DLC1: variants seen among roughly 807,000 people sequenced by gnomAD.
DLC1 encodes DLC1 Rho GTPase activating protein.
DLC1 carries 54 observed loss-of-function variants against 140.3 expected under a neutral mutation model. That is an observed-to-expected ratio of 0.38 (90% confidence interval 0.31 to 0.48). DLC1 has a LOEUF of 0.48. DLC1 is among the 20% of genes least tolerant of loss of function. The pLI is 0.96. For missense variants in DLC1, 2,536 were observed against 1,907.0 expected (o/e 1.33, Z -6.14); for synonymous variants, 986 against 728.1 (o/e 1.35, Z -5.70).
intron 5 of DLC1, among the ~76,000 whole-genome samples, chr8:13,254,701 A>T (rs557002580): frequency 1.3e-5 from 2 of 151,912 alleles, no homozygotes; most frequent in East Asian, 3.9e-4. Flanking sequence ...ATCACAGTTA[A>T]AAAAAGGATA....
At chr8:13,198,051 G>C (rs937261812) in intron 5 of DLC1, among the ~76,000 whole-genome samples, 1 of 151,698 alleles carries the variant, frequency 6.6e-6, no homozygotes, top group African/African-American at 2.4e-5. Context: ...GCTCAAAGTT[G>C]CTCAGTCCCG....
intron 2 of DLC1, among the ~76,000 whole-genome samples, chr8:13,444,551 C>T (rs927415227): frequency 2.0e-5 from 3 of 152,144 alleles, no homozygotes; most frequent in African/African-American, 7.2e-5. Flanking sequence ...TTCTACACTA[C>T]GAAAGGAACA....
At chr8:13,583,594 C>T (rs74965322) in intron 1 of DLC1, among the ~76,000 whole-genome samples, 21,896 of 152,080 alleles carry the variant, frequency 0.14, 1,650 homozygotes, top group African/African-American at 0.19. Context: ...ATAAGTTAGG[C>T]ACAATAAAGT....
At chr8:13,409,897 C>A (rs1255326266) in intron 2 of DLC1, among the ~76,000 whole-genome samples, 2 of 151,992 alleles carry the variant, frequency 1.3e-5, no homozygotes, top group African/African-American at 2.4e-5. Context: ...TACGGGGAGG[C>A]TAAGCTATGT....
chr8:13,311,441 C>T (rs1336476415), intron 4 of DLC1, among the ~76,000 whole-genome samples: 1 of 152,124 alleles, frequency 6.6e-6, no homozygotes, highest in East Asian at 1.9e-4. Context: ...AGATGATGTG[C>T]TGGTGTAAGG....
At chr8:13,545,573 G>A (rs978174245) in intron 1 of DLC1, among the ~76,000 whole-genome samples, 16 of 151,906 alleles carry the variant, frequency 1.1e-4, no homozygotes, top group African/African-American at 3.6e-4. Flanking sequence ...TGAATTCGTG[G>A]TGTTGTTGAA....
chr8:13,406,602 T>A (rs1441791874), intron 2 of DLC1, among the ~76,000 whole-genome samples: 7 of 152,170 alleles, frequency 4.6e-5, no homozygotes, highest in African/African-American at 1.7e-4. Flanking sequence ...CATCCTCAGT[T>A]CCTTTAATTA....
At chr8:13,140,044 A>G (rs748786819) in intron 5 of DLC1, among the ~76,000 whole-genome samples, 3 of 152,166 alleles carry the variant, frequency 2.0e-5, no homozygotes, top group Non-Finnish European at 2.9e-5. Flanking sequence ...GCTCAACAAT[A>G]AACTCCTCTT....
chr8:13,583,587 A>T (rs74800616), intron 1 of DLC1, among the ~76,000 whole-genome samples: 22,171 of 152,158 alleles, frequency 0.15, 1,701 homozygotes, highest in African/African-American at 0.19. Context: ...ATGCAATATA[A>T]GTTAGGCACA....
At chr8:13,474,550 TCGTGTG>T (rs1800357038) in intron 2 of DLC1, among the ~76,000 whole-genome samples, 1 of 152,102 alleles carries the variant, frequency 6.6e-6, no homozygotes, top group East Asian at 1.9e-4. Flanking sequence ...ACAACTTGCA[TCGTGTG>T]CCTGGAGAAG....
At chr8:13,380,183 A>G (rs1232740702) in intron 4 of DLC1, among the ~76,000 whole-genome samples, 1 of 152,208 alleles carries the variant, frequency 6.6e-6, no homozygotes, top group Non-Finnish European at 1.5e-5. Context: ...ATAATAGAAA[A>G]TTATGTCATA....
intron 1 of DLC1, among the ~76,000 whole-genome samples, chr8:13,570,337 C>A (rs1452649142): frequency 6.7e-6 from 1 of 149,628 alleles, no homozygotes; most frequent in Non-Finnish European, 1.5e-5. Context: ...GGTACCTGTG[C>A]ACATTGTGCA....
intron 4 of DLC1, among the ~76,000 whole-genome samples, chr8:13,360,335 C>T (rs570846922): frequency 6.6e-6 from 1 of 152,288 alleles, no homozygotes; most frequent in East Asian, 1.9e-4. Flanking sequence ...GGCCTCACTG[C>T]AAACCAACTG....
chr8:13,301,869 T>A (rs996082204), intron 5 of DLC1, among the ~76,000 whole-genome samples: 4 of 152,178 alleles, frequency 2.6e-5, no homozygotes, highest in African/African-American at 9.7e-5. Flanking sequence ...CTTATGATGA[T>A]CTGAGGTCTG....
chr8:13,231,671 C>T (rs1829052123), intron 5 of DLC1, among the ~76,000 whole-genome samples: 1 of 152,202 alleles, frequency 6.6e-6, no homozygotes, highest in Non-Finnish European at 1.5e-5. Context: ...ACCTTGTCCA[C>T]CTCCATTTAA....
intron 4 of DLC1, among the ~76,000 whole-genome samples, chr8:13,390,611 A>G (rs1836711586): frequency 6.6e-6 from 1 of 152,214 alleles, no homozygotes; most frequent in Non-Finnish European, 1.5e-5. Flanking sequence ...GATGGCAGGT[A>G]GATAGGTGCA....
intron 5 of DLC1, among the ~76,000 whole-genome samples, chr8:13,209,370 A>G (rs1227413091): frequency 6.6e-6 from 1 of 152,208 alleles, no homozygotes; most frequent in Non-Finnish European, 1.5e-5. Context: ...GTGCAAGTAG[A>G]GAACAATAAC....
chr8:13,465,322 A>C (rs201718354), intron 2 of DLC1, among the ~76,000 whole-genome samples: 2 of 152,094 alleles, frequency 1.3e-5, no homozygotes, highest in Admixed American at 1.3e-4. Context: ...GATAATGCCA[A>C]ATTTTTTTCC....
At chr8:13,193,097 T>C (rs1670735853) in intron 5 of DLC1, among the ~76,000 whole-genome samples, 1 of 152,188 alleles carries the variant, frequency 6.6e-6, no homozygotes, top group South Asian at 2.1e-4. Context: ...CTCAGGACTT[T>C]TCTTCTTTAA....
Sources: gnomAD v4.1 joint callset for allele counts (sites outside exome capture counted in the v4.1 genomes callset) on GRCh38, gnomAD v4.1.1 for gene constraint, MANE v1.5 for transcripts, NCBI Gene and HGNC (gene_info 2026-07-23, HGNC 2026-07-21) for gene names.